The following ANKRD37 variants were observed in gnomAD, a reference collection of about 807,000 sequenced individuals.
ANKRD37 encodes ankyrin repeat domain-containing protein 37.
Under a neutral mutation model 19.7 loss-of-function variants are expected in ANKRD37, and 17 were observed. The ratio of observed to expected loss-of-function variants is 0.86; its 90% CI spans 0.59 to 1.29. The LOEUF (loss-of-function observed/expected upper bound fraction) is 1.29. Ranked by LOEUF, ANKRD37 falls within the 50% of genes most tolerant of loss-of-function variation. The pLI is 0.00. For missense variants in ANKRD37, 207 were observed against 190.4 expected, an observed-to-expected ratio of 1.09 and a Z score of -0.51; for synonymous variants, 79 against 74.5, an observed-to-expected ratio of 1.06 and a Z score of -0.31.
intron 2 of ANKRD37, among the ~76,000 whole-genome samples, chr4:185,398,323 C>T (rs771153219): frequency 1.3e-5 from 2 of 152,046 alleles, no homozygotes; most frequent in Admixed American, 6.6e-5. Flanking sequence ...AAATAAAAAG[C>T]TTTTGCAGCT....
At chr4:185,398,439 A>G (rs550472115) in intron 2 of ANKRD37, among the ~76,000 whole-genome samples, 1 of 152,244 alleles carries the variant, frequency 6.6e-6, no homozygotes, top group Admixed American at 6.5e-5. Flanking sequence ...AGCATAGTAC[A>G]TTTCTATGTT....
At position 185,396,957 on chromosome 4, in the gene ANKRD37, T is replaced by C. The variant is rs552289467; in HGVS notation, c.27+7T>C. On this transcript the variant is annotated splice_region_variant and intron_variant, in intron 1 of 4. Coordinates refer to ENST00000335174, the MANE Select transcript of ANKRD37 (RefSeq NM_181726.4). ...GCTGGATTGCAACCCCGAGGTGAGA[T>C]TCGGGCTCACAGAGCCCGAGCTTTT... The C allele has an allele frequency of 3.1e-6, 5 of 1,613,574 alleles. No homozygotes were observed. The highest frequency in any genetic ancestry group is 4.2e-6 in the Non-Finnish European group (5 of 1,180,036).
At chr4:185,398,812 A>T (rs992506935) in intron 2 of ANKRD37, 125 bp from the exon 3 acceptor site, 16 of 520,606 alleles carry the variant, frequency 3.1e-5, no homozygotes, top group Non-Finnish European at 3.7e-5. Context: ...AAAAAAAAAA[A>T]AATTCCCTGT....
chr4:185,397,371 C>T (rs1280137920), intron 2 of ANKRD37, 69 bp downstream of exon 2: 3 of 1,556,418 alleles, frequency 1.9e-6, no homozygotes, highest in Non-Finnish European at 1.7e-6. Context: ...ATTTCTCAGA[C>T]GCCAAGAGTT....
At chr4:185,399,428 A>G (rs2095510367) in intron 3 of ANKRD37, 142 bp from the exon 4 acceptor site, 1 of 847,326 alleles carries the variant, frequency 1.2e-6, no homozygotes, top group Non-Finnish European at 1.8e-6. Context: ...AATAGTGACC[A>G]AAAATGCAAT....
At position 185,399,704 on chromosome 4, in the gene ANKRD37, G is replaced by A; in HGVS notation, c.407G>A (p.Cys136Tyr). ...KASEHPDRNDCVAVLRQKRSL... is the reference protein window; with the variant it reads ...KASEHPDRNDYVAVLRQKRSL... The stretch of plus-strand genomic sequence containing the variant: ...AGTGAACACCCTGACAGGAATGATT[G>A]TGTTGCCGTGCTCAGACAGAAACGG... Residue 136 changes from cysteine to tyrosine, a missense_variant, in exon 4 of 5, where the codon TGT (cysteine) becomes TAT (tyrosine). Cys to Tyr is a radical substitution (Grantham distance 194). Transcript: ENST00000335174. 1.2e-6 allele frequency: 2 copies of A among 1,614,164 alleles called. No individual in the cohort carries two copies. Among genetic ancestry groups the A allele is most frequent in the South Asian group, 1.1e-5 (1 of 91,084 alleles).
chr4:185,400,662 T>G (rs551677327), downstream of ANKRD37: 32 of 429,858 alleles, frequency 7.4e-5, no homozygotes, highest in Admixed American at 1.3e-3. Context: ...GGTAGGTTTT[T>G]GAACTTTTAA....
downstream of ANKRD37, chr4:185,400,439 C>G (rs372836791): frequency 6.2e-7 from 1 of 1,613,950 alleles, no homozygotes; most frequent in Middle Eastern, 1.6e-4. Flanking sequence ...TAGTATGCAT[C>G]CTTGTTCCAA....
intron 4 of ANKRD37, 99 bp from the exon 5 acceptor site, chr4:185,399,908 TTATACTTACC>T: frequency 6.5e-7 from 1 of 1,543,550 alleles, no homozygotes; most frequent in Middle Eastern, 1.7e-4. Flanking sequence ...TTAGTACTGG[TTATACTTACC>T]AGAGTCTAGA....
At chr4:185,399,810 A>G in intron 4 of ANKRD37, 37 bp downstream of exon 4, 4 of 1,612,318 alleles carry the variant, frequency 2.5e-6, no homozygotes. Flanking sequence ...TTCCTCCCGC[A>G]GTGATCTCTT....
chr4:185,398,890 C>A (rs766560034), intron 2 of ANKRD37, 47 bp from the exon 3 acceptor site: 1 of 1,480,324 alleles, frequency 6.8e-7, no homozygotes, highest in East Asian at 2.3e-5. Flanking sequence ...TCAACTTTCA[C>A]AAAAAGTGTT....
intron 2 of ANKRD37, 117 bp downstream of exon 2, chr4:185,397,419 C>A: frequency 1.5e-6 from 2 of 1,290,464 alleles, no homozygotes; most frequent in South Asian, 1.5e-5. Context: ...GCAGCGATGT[C>A]CAACAGAAAT....
At chr4:185,397,769 CAA>C (rs59124598) in intron 2 of ANKRD37, 99,569 of 152,682 alleles carry the variant, frequency 0.65, 35,111 homozygotes, top group East Asian at 0.87. Context: ...GCTACATTAC[CAA>C]AAGTCTCCCT....
downstream of ANKRD37, chr4:185,400,280 T>C: frequency 1.1e-6 from 1 of 915,732 alleles, no homozygotes. Flanking sequence ...TTGAAAAAGG[T>C]CATAATTTAA....
intron 2 of ANKRD37, among the ~76,000 whole-genome samples, chr4:185,398,609 A>C (rs2095508836): frequency 6.6e-6 from 1 of 152,210 alleles, no homozygotes; most frequent in Non-Finnish European, 1.5e-5. Flanking sequence ...TTGCACTTGC[A>C]AACGATTATC....
At chr4:185,400,456 G>T, downstream of ANKRD37, 1 of 1,613,732 alleles carries the variant, frequency 6.2e-7, no homozygotes, top group South Asian at 1.1e-5. Flanking sequence ...CCAAAAATCT[G>T]GGCCCTTCCA....
chr4:185,398,785 G>C (rs980928701), intron 2 of ANKRD37, 152 bp from the exon 3 acceptor site: 1 of 440,524 alleles, frequency 2.3e-6, no homozygotes, highest in African/African-American at 2.6e-5. Context: ...AGTTTTTGGT[G>C]TTCTCTGCCA....
downstream of ANKRD37, chr4:185,400,570 T>G (rs1038816978): frequency 2.3e-6 from 2 of 869,780 alleles, no homozygotes; most frequent in African/African-American, 1.7e-5. Flanking sequence ...AGCAGGACCT[T>G]GGAATAAGAC....
chr4:185,398,985 C>T lies in ANKRD37; in HGVS notation c.229C>T (p.Leu77=), dbSNP rs1274970568. 1 of 1,613,848 alleles carries T rather than the reference C, an allele frequency of 6.2e-7. No individual in the cohort carries two copies. Among genetic ancestry groups the T allele is most frequent in the Non-Finnish European group, 8.5e-7 (1 of 1,179,828 alleles). The part of the protein sequence containing the change: ...PLHKAAKVGS[L]ECLSLLVASD... ...ACACAAGGCAGCAAAAGTTGGAAGC[C>T]TGGAGTGCCTAAGCCTGCTTGTAGC... Residue 77 remains leucine, a synonymous_variant, in exon 3 of 5, where the codon CTG becomes TTG. Transcript: ENST00000335174.
Sources: gnomAD v4.1 joint callset for allele counts (sites outside exome capture counted in the v4.1 genomes callset) on GRCh38, gnomAD v4.1.1 for gene constraint, MANE v1.5 for transcripts, NCBI Gene and HGNC (gene_info 2026-07-23, HGNC 2026-07-21) for gene names.